Variants in NEDD4 observed in about 807,000 individuals in gnomAD.
The protein encoded by NEDD4 is NEDD4 E3 ubiquitin protein ligase.
A neutral mutation model predicts 144.9 loss-of-function variants in NEDD4; 99 were observed. The observed-to-expected ratio is 0.68, with a 90% CI of 0.58 to 0.81. The LOEUF is 0.81. Among genes scored for constraint, NEDD4 ranks in the 30% least tolerant of loss-of-function variants. The pLI, the probability that NEDD4 is intolerant of heterozygous loss-of-function variation, is 0.00. For missense variants in NEDD4, 985 were observed against 1,065.9 expected (o/e 0.92, Z 1.06); for synonymous variants, 318 against 350.6 (o/e 0.91, Z 1.04).
chr15:55,984,559 T>G (rs2037859172), intron 1 of NEDD4, among the ~76,000 whole-genome samples: 1 of 152,214 alleles, frequency 6.6e-6, no homozygotes, highest in African/African-American at 2.4e-5. Context: ...TTGACGGCCA[T>G]GATTGTTTGT....
At chr15:55,942,990 T>C (rs1479734525) in intron 4 of NEDD4, among the ~76,000 whole-genome samples, 2 of 152,220 alleles carry the variant, frequency 1.3e-5, no homozygotes, top group Non-Finnish European at 2.9e-5. Context: ...TTGCTATGCT[T>C]CTACAAAGAG....
chr15:55,963,194 A>T (rs75445703), intron 2 of NEDD4, among the ~76,000 whole-genome samples: 19,277 of 149,452 alleles, frequency 0.13, 1,346 homozygotes, highest in East Asian at 0.31. Context: ...TGCAGTGGCA[A>T]AATCATGGCT....
At chr15:55,891,041 C>T (rs928414729) in intron 5 of NEDD4, among the ~76,000 whole-genome samples, 20 of 152,166 alleles carry the variant, frequency 1.3e-4, no homozygotes, top group African/African-American at 4.8e-4. Context: ...CTAAAAAAAT[C>T]ACCTGTTTTT....
chr15:55,943,646 C>T (rs2037050049), intron 4 of NEDD4, among the ~76,000 whole-genome samples: 1 of 152,218 alleles, frequency 6.6e-6, no homozygotes, highest in African/African-American at 2.4e-5. Context: ...TCGATATCCA[C>T]ACAGAAGTCT....
chr15:55,911,081 G>T (rs200384528), intron 5 of NEDD4, among the ~76,000 whole-genome samples: 1 of 151,784 alleles, frequency 6.6e-6, no homozygotes, highest in Non-Finnish European at 1.5e-5. Flanking sequence ...TATTTACAGT[G>T]GAGATTCTTT....
At chr15:55,983,916 T>C (rs1417319606) in intron 1 of NEDD4, among the ~76,000 whole-genome samples, 1 of 152,156 alleles carries the variant, frequency 6.6e-6, no homozygotes, top group South Asian at 2.1e-4. Context: ...CAGCCTGTTA[T>C]AAATACTTTC....
chr15:55,940,844 A>G (rs1595862786), intron 4 of NEDD4, among the ~76,000 whole-genome samples: 1 of 152,192 alleles, frequency 6.6e-6, no homozygotes, highest in East Asian at 1.9e-4. Flanking sequence ...TAATAAAAGA[A>G]TAAGATCATC....
intron 2 of NEDD4, among the ~76,000 whole-genome samples, chr15:55,955,351 A>G (rs995122309): frequency 2.0e-5 from 3 of 152,070 alleles, no homozygotes; most frequent in Non-Finnish European, 2.9e-5. Flanking sequence ...TTAAATTTTT[A>G]ATTGCACATA....
rs1376941911 is a variant in NEDD4, at chr15:55,937,697, C to T, written c.238-12998G>A. 2.6e-5 allele frequency among the ~76,000 whole-genome samples: 4 copies of T among 152,292 alleles called. No individual in the cohort carries two copies. In the East Asian group the frequency reaches 7.7e-4, roughly 29 times the overall value. On this transcript the variant is annotated intron_variant, in intron 4 of 28. Coordinates refer to ENST00000435532, the MANE Select transcript of NEDD4 (RefSeq NM_006154.4). ...AAGACAAAAATAAATGGAAAGACAT[C>T]CTGTGTTCATGGATTGGAAGAACTT...
At chr15:55,942,653 C>T (rs2037028889) in intron 4 of NEDD4, among the ~76,000 whole-genome samples, 1 of 152,156 alleles carries the variant, frequency 6.6e-6, no homozygotes, top group African/African-American at 2.4e-5. Context: ...TCAATTACAG[C>T]CGTTTTCTTT....
At chr15:55,926,026 C>T (rs1192461605) in intron 4 of NEDD4, among the ~76,000 whole-genome samples, 1 of 151,406 alleles carries the variant, frequency 6.6e-6, no homozygotes, top group African/African-American at 2.4e-5. Flanking sequence ...AATACATATA[C>T]GTATGTATCA....
At chr15:55,990,507 A>G (rs184517445) in intron 1 of NEDD4, among the ~76,000 whole-genome samples, 1 of 152,168 alleles carries the variant, frequency 6.6e-6, no homozygotes, top group Non-Finnish European at 1.5e-5. Flanking sequence ...TGTACAAAGC[A>G]AGTTACCAGA....
chr15:55,939,201 C>T (rs1420621110), intron 4 of NEDD4, among the ~76,000 whole-genome samples: 2 of 152,186 alleles, frequency 1.3e-5, no homozygotes, highest in Non-Finnish European at 2.9e-5. Context: ...TCCGTAATCC[C>T]CACGTGTCAA....
chr15:55,843,884 G>A (rs1468565393), intron 18 of NEDD4, among the ~76,000 whole-genome samples: 1 of 150,832 alleles, frequency 6.6e-6, no homozygotes, highest in African/African-American at 2.4e-5. Context: ...GGGGAATAAA[G>A]GGAATAAAAA....
At chr15:55,851,394 C>A (rs1016562057) in intron 13 of NEDD4, among the ~76,000 whole-genome samples, 1 of 151,710 alleles carries the variant, frequency 6.6e-6, no homozygotes. Flanking sequence ...TATCAAGCAG[C>A]ACCTCATTCT....
chr15:55,903,838 A>AAC (rs1369733336), intron 5 of NEDD4, among the ~76,000 whole-genome samples: 3 of 50,584 alleles, frequency 5.9e-5, no homozygotes, highest in Admixed American at 2.7e-4. Context: ...AAAAAAAAAA[A>AAC]AACACACATA....
intron 1 of NEDD4, among the ~76,000 whole-genome samples, chr15:55,984,361 T>C (rs2037855712): frequency 6.6e-6 from 1 of 152,192 alleles, no homozygotes; most frequent in Non-Finnish European, 1.5e-5. Flanking sequence ...CAGAATCTCA[T>C]ATTCCTTATC....
intron 4 of NEDD4, among the ~76,000 whole-genome samples, chr15:55,940,540 C>A (rs2142273257): frequency 8.0e-6 from 1 of 125,774 alleles, no homozygotes; most frequent in Non-Finnish European, 1.9e-5. Flanking sequence ...CTCTCTCTCT[C>A]TCTCTGCCTC....
At chr15:55,905,311 G>A (rs1028234958) in intron 5 of NEDD4, 9 of 455,250 alleles carry the variant, frequency 2.0e-5, no homozygotes, top group African/African-American at 1.6e-4. Context: ...ATCATTAGAA[G>A]TTTCTTCTCT....
Sources: gnomAD v4.1 joint callset for allele counts (sites outside exome capture counted in the v4.1 genomes callset) on GRCh38, gnomAD v4.1.1 for gene constraint, MANE v1.5 for transcripts, NCBI Gene and HGNC (gene_info 2026-07-23, HGNC 2026-07-21) for gene names.